Variants in POM121 observed in about 807,000 individuals in gnomAD.
The protein encoded by POM121 is POM121 transmembrane nucleoporin.
In POM121, 32 loss-of-function variants were observed where a neutral mutation model predicts 81.3. The observed-to-expected ratio is 0.39, with a 90% CI of 0.30 to 0.53. The LOEUF (loss-of-function observed/expected upper bound fraction) is 0.53, where lower values mean the gene tolerates loss of function less well. POM121 is among the 20% of genes least tolerant of loss of function. The pLI, the probability that POM121 is intolerant of heterozygous loss-of-function variation, is 0.66. For missense variants in POM121, 1,138 were observed against 1,614.6 expected (o/e 0.70, Z 5.06); for synonymous variants, 514 against 694.2 (o/e 0.74, Z 4.08).
At chr7:72,884,516 TA>T (rs1790494403) in intron 1 of POM121, among the ~76,000 whole-genome samples, 2 of 91,124 alleles carry the variant, frequency 2.2e-5, no homozygotes, top group Non-Finnish European at 3.9e-5. Context: ...AATATATACA[TA>T]TAATATATAT....
At chr7:72,920,579 C>A (rs1242265018), upstream of POM121, among the ~76,000 whole-genome samples, 2 of 152,022 alleles carry the variant, frequency 1.3e-5, no homozygotes, top group South Asian at 2.1e-4. Flanking sequence ...TGGTCTTGAT[C>A]TCCTGACCTC....
rs1276961162 is a variant in POM121, at chr7:72,943,304, C to T, written c.3311C>T (p.Ala1104Val). The change falls in exon 11 of 13, where the codon GCC becomes GTC. Residue 1104 changes from alanine to valine, a missense_variant. Ala to Val is a moderately conservative substitution (Grantham distance 64). This residue lies in a region of POM121 where 336 missense variants were observed against 344.3 expected (regional missense o/e 0.98). Coordinates refer to ENST00000434423, the MANE Select transcript of POM121 (RefSeq NM_001387691.1). Reference protein sequence around the residue: ...PSPFTFGGSAAPAGSGSFGIN... With the variant: ...PSPFTFGGSAVPAGSGSFGIN... ...CCCTTCACGTTTGGGGGTTCGGCAG[C>T]CCCCGCTGGCAGTGGGAGCTTTGGG... The T allele has an allele frequency of 2.5e-6, 4 of 1,607,618 alleles. No homozygotes were observed. Among genetic ancestry groups the T allele is most frequent in the Non-Finnish European group, 3.4e-6 (4 of 1,177,498 alleles).
intron 5 of POM121, among the ~76,000 whole-genome samples, chr7:72,933,310 G>A (rs1368436038): frequency 4.6e-5 from 7 of 152,108 alleles, no homozygotes; most frequent in Non-Finnish European, 1.5e-5. Context: ...CCGAGCTCAC[G>A]CCACTGCCCT....
At chr7:72,880,158 C>T (rs1789993485) in intron 1 of POM121, among the ~76,000 whole-genome samples, 1 of 152,206 alleles carries the variant, frequency 6.6e-6, no homozygotes, top group Admixed American at 6.5e-5. Flanking sequence ...TCCTCCTCCT[C>T]TCTGTGCTCC....
At chr7:72,920,403 G>C (rs372709216), upstream of POM121, among the ~76,000 whole-genome samples, 66 of 148,880 alleles carry the variant, frequency 4.4e-4, no homozygotes, top group East Asian at 2.0e-3. Context: ...GGCTGGAGTG[G>C]AGTGGCGCAA....
downstream of POM121, chr7:72,948,986 G>A: frequency 6.2e-7 from 1 of 1,610,956 alleles, no homozygotes; most frequent in Non-Finnish European, 8.5e-7. Flanking sequence ...AGCCGCTGCA[G>A]GGAAGGGAAA....
chr7:72,938,203 C>A (rs1160165670), intron 5 of POM121, among the ~76,000 whole-genome samples: 1 of 151,842 alleles, frequency 6.6e-6, no homozygotes, highest in African/African-American at 2.4e-5. Flanking sequence ...GGTCTTTCTT[C>A]ACAAACAAAT....
intron 4 of POM121, among the ~76,000 whole-genome samples, chr7:72,915,811 T>A (rs1400499499): frequency 6.6e-6 from 1 of 152,198 alleles, no homozygotes; most frequent in African/African-American, 2.4e-5. Context: ...TAGCTGAGAT[T>A]ATAGGCGCCC....
chr7:72,907,667 C>T (rs370800982), intron 3 of POM121, among the ~76,000 whole-genome samples: 9 of 152,084 alleles, frequency 5.9e-5, no homozygotes, highest in South Asian at 2.1e-4. Flanking sequence ...TGCACCGCCA[C>T]GCCTGGCTAA....
intron 3 of POM121, among the ~76,000 whole-genome samples, chr7:72,908,026 A>G (rs1299252942): frequency 3.3e-5 from 5 of 152,142 alleles, no homozygotes; most frequent in African/African-American, 1.2e-4. Context: ...TCTATCATCA[A>G]GGTCACCAAT....
chr7:72,915,281 G>A (rs781877883), intron 4 of POM121, among the ~76,000 whole-genome samples: 3 of 152,130 alleles, frequency 2.0e-5, no homozygotes, highest in Admixed American at 6.6e-5. Flanking sequence ...CCAGCTCTGC[G>A]TCATGAGTAT....
intron 1 of POM121, 122 bp downstream of exon 1, chr7:72,925,887 C>T: frequency 8.5e-7 from 1 of 1,180,000 alleles, no homozygotes; most frequent in Non-Finnish European, 1.1e-6. Context: ...TGGTTTTGCC[C>T]TCCTTAACAC....
intron 3 of POM121, among the ~76,000 whole-genome samples, chr7:72,910,523 T>C (rs1387463795): frequency 1.3e-5 from 2 of 152,062 alleles, no homozygotes; most frequent in Non-Finnish European, 2.9e-5. Flanking sequence ...TTCAGTCTTG[T>C]GCAGGTTGTG....
chr7:72,904,184 A>ATCCTT (rs1318799752), intron 3 of POM121, among the ~76,000 whole-genome samples: 2 of 152,312 alleles, frequency 1.3e-5, no homozygotes, highest in East Asian at 3.9e-4. Flanking sequence ...AAAGCTCAGC[A>ATCCTT]TCCTTTCTCA....
chr7:72,939,734 A>C (rs1796876717), intron 7 of POM121, 113 bp from the exon 8 acceptor site: 4 of 1,607,946 alleles, frequency 2.5e-6, no homozygotes, highest in South Asian at 2.2e-5. Context: ...AGAAGATTGA[A>C]TCTTTTCAGA....
In POM121 at chr7:72,907,346, G is replaced by A. The variant is rs535936560; in HGVS notation, c.-215-6419G>A. On this transcript the variant is annotated intron_variant, in intron 3 of 15. Coordinates refer to the POM121 transcript ENST00000395270. ...CACCTCTACATATGTTGAGAACCAC[G>A]TGAGATAATGTTATGATTTTGCTTT... 1.9e-4 allele frequency among the ~76,000 whole-genome samples: 29 copies of A among 152,054 alleles called. No homozygotes were observed. The East Asian group carries it at 2.7e-3, about 14-fold the overall frequency.
At chr7:72,887,078 T>A (rs1586063571) in intron 1 of POM121, among the ~76,000 whole-genome samples, 1 of 152,200 alleles carries the variant, frequency 6.6e-6, no homozygotes, top group East Asian at 1.9e-4. Context: ...TTTTAATTCT[T>A]TTTTCTCTGT....
At chr7:72,928,791 A>G (rs1795728736) in intron 4 of POM121, among the ~76,000 whole-genome samples, 1 of 152,246 alleles carries the variant, frequency 6.6e-6, no homozygotes, top group Non-Finnish European at 1.5e-5. Flanking sequence ...TTAAATTTCT[A>G]CATGTCAGTT....
intron 11 of POM121, among the ~76,000 whole-genome samples, chr7:72,944,719 G>T (rs1279577832): frequency 1.3e-5 from 2 of 151,988 alleles, no homozygotes. Context: ...TGCAGGAGGG[G>T]TGGTGCCTAC....
Sources: allele counts gnomAD v4.1 joint callset (sites outside exome capture counted in the v4.1 genomes callset), GRCh38; gene constraint gnomAD v4.1.1; regional missense constraint gnomAD v4.1.1; transcripts MANE v1.5; gene names NCBI Gene and HGNC (gene_info 2026-07-23, HGNC 2026-07-21).